Variants in TRABD2B observed in about 807,000 individuals in gnomAD.
TRABD2B encodes TraB domain containing 2B, also known as metalloprotease TIKI2.
A neutral mutation model predicts 40.1 loss-of-function variants in TRABD2B; 14 were observed. The ratio of observed to expected loss-of-function variants is 0.35; its 90% CI spans 0.23 to 0.55. The LOEUF (loss-of-function observed/expected upper bound fraction) is 0.55. Among genes scored for constraint, TRABD2B ranks in the 20% least tolerant of loss-of-function variants. TRABD2B has a pLI of 0.90. For missense variants in TRABD2B, 541 were observed against 648.6 expected (o/e 0.83, Z 1.80); for synonymous variants, 263 against 277.0 (o/e 0.95, Z 0.50).
chr1:47,855,318 C>T (rs992170827), intron 2 of TRABD2B, among the ~76,000 whole-genome samples: 2 of 152,166 alleles, frequency 1.3e-5, no homozygotes, highest in Non-Finnish European at 2.9e-5. Flanking sequence ...CATAAGTTCC[C>T]TTTCCTCTCC....
At position 47,801,328 on chromosome 1, in the gene TRABD2B, T is replaced by G. The variant is rs547289049; in HGVS notation, c.813+145A>C. ...GTTGCCTTGGACAAATCTCTTCTCA[T>G]CTCTGAGCCTCAATTTCCCCACCTA... On this transcript the variant is annotated intron_variant, in intron 3 of 6. Transcript: ENST00000606738. 74 of 891,868 alleles carry G rather than the reference T, an allele frequency of 8.3e-5. 1 individual carries two copies. The South Asian group carries it at 1.2e-3, about 14-fold the overall frequency. 55.2% of individuals were successfully genotyped at this position (891,868 alleles called of 1,614,324 possible).
intron 2 of TRABD2B, among the ~76,000 whole-genome samples, chr1:47,923,901 C>T (rs543916441): frequency 1.0e-5 from 1 of 96,114 alleles, no homozygotes; most frequent in East Asian, 3.0e-4. Flanking sequence ...TCACTCTCTA[C>T]ACACATACAC....
At chr1:47,903,285 A>G (rs142599117) in intron 2 of TRABD2B, among the ~76,000 whole-genome samples, 17 of 152,192 alleles carry the variant, frequency 1.1e-4, no homozygotes, top group Admixed American at 2.6e-4. Context: ...ACCCTACGTC[A>G]GGGGGCTTCT....
chr1:47,794,920 C>T (rs547163536), intron 3 of TRABD2B, among the ~76,000 whole-genome samples, 160 bp from the exon 4 acceptor site: 41 of 151,940 alleles, frequency 2.7e-4, no homozygotes, highest in South Asian at 1.5e-3. Context: ...AGGTATGAAC[C>T]ACCATGACTA....
intron 2 of TRABD2B, among the ~76,000 whole-genome samples, chr1:47,826,647 C>T (rs1053186675): frequency 6.6e-6 from 1 of 152,096 alleles, no homozygotes; most frequent in South Asian, 2.1e-4. Flanking sequence ...GATCATAACT[C>T]ACTGCAGCCT....
chr1:47,905,747 C>T, intron 2 of TRABD2B, among the ~76,000 whole-genome samples: 1 of 152,102 alleles, frequency 6.6e-6, no homozygotes, highest in Non-Finnish European at 1.5e-5. Flanking sequence ...TGTCCCCAGC[C>T]CTCAATCTCT....
chr1:47,823,014 T>TA (rs1156896584), intron 2 of TRABD2B, among the ~76,000 whole-genome samples: 2 of 152,230 alleles, frequency 1.3e-5, no homozygotes, highest in African/African-American at 4.8e-5. Context: ...TTCTCCACCC[T>TA]AAGTGAAGAG....
chr1:47,927,179 G>C (rs1644981574), intron 2 of TRABD2B, among the ~76,000 whole-genome samples: 2 of 152,208 alleles, frequency 1.3e-5, no homozygotes, highest in African/African-American at 4.8e-5. Flanking sequence ...TGAGGACAGA[G>C]GCTAAGCTGG....
At chr1:47,854,932 A>T (rs568993726) in intron 2 of TRABD2B, among the ~76,000 whole-genome samples, 1 of 152,290 alleles carries the variant, frequency 6.6e-6, no homozygotes, top group Non-Finnish European at 1.5e-5. Context: ...TAGCTGTGTG[A>T]TGTAGGGCAA....
intron 2 of TRABD2B, among the ~76,000 whole-genome samples, chr1:47,822,637 A>G (rs891387735): frequency 6.6e-6 from 1 of 152,192 alleles, no homozygotes; most frequent in Non-Finnish European, 1.5e-5. Flanking sequence ...CATACATACT[A>G]TGCTTTTCAT....
chr1:47,775,548 C>T lies in TRABD2B; in HGVS notation c.1080-109G>A, dbSNP rs1644434162. 3 of 1,136,404 alleles carry T rather than the reference C, an allele frequency of 2.6e-6. No homozygotes were observed. In the South Asian group the frequency reaches 1.3e-4, roughly 51 times the overall value. The allele number at this position is 1,136,404 out of a possible 1,614,324, so 70.4% of individuals were successfully genotyped here. A position where few individuals can be genotyped will look rare whatever the true frequency, so the allele number is the denominator to read the frequency against. ...AGTTTGTCATGGCAGGAGAAAGTGC[C>T]AGGGTGCCCCTGCTGGGCCCGGTGA... On this transcript the variant is annotated intron_variant, in intron 5 of 6. Coordinates refer to ENST00000606738, the MANE Select transcript of TRABD2B (RefSeq NM_001194986.2).
intron 2 of TRABD2B, among the ~76,000 whole-genome samples, chr1:47,877,597 A>T (rs900348594): frequency 1.3e-5 from 2 of 152,206 alleles, no homozygotes; most frequent in South Asian, 4.1e-4. Context: ...TAGCAGTTGC[A>T]CATCTCAGAA....
chr1:47,930,092 G>A (rs1645019896), intron 2 of TRABD2B, among the ~76,000 whole-genome samples: 1 of 152,178 alleles, frequency 6.6e-6, no homozygotes, highest in African/African-American at 2.4e-5. Context: ...GAGGTGCCCA[G>A]TTCTGGAGTG....
At chr1:47,821,410 G>T (rs1352516358) in intron 2 of TRABD2B, among the ~76,000 whole-genome samples, 1 of 152,232 alleles carries the variant, frequency 6.6e-6, no homozygotes. Context: ...TTGAGGAATG[G>T]TAGGGGCCCA....
At chr1:47,801,739 G>A in intron 2 of TRABD2B, 120 bp from the exon 3 acceptor site, 1 of 1,264,478 alleles carries the variant, frequency 7.9e-7, no homozygotes, top group Non-Finnish European at 1.1e-6. Flanking sequence ...AAGGTGTGTG[G>A]GGCTGGCACC....
intron 2 of TRABD2B, among the ~76,000 whole-genome samples, chr1:47,988,008 G>A (rs759451257): frequency 6.6e-6 from 1 of 152,146 alleles, no homozygotes; most frequent in Non-Finnish European, 1.5e-5. Context: ...GGTCCTCCAG[G>A]GGTGTCTGGG....
At chr1:47,877,199 A>T (rs766132119) in intron 2 of TRABD2B, among the ~76,000 whole-genome samples, 7 of 150,120 alleles carry the variant, frequency 4.7e-5, no homozygotes, top group African/African-American at 1.2e-4. Context: ...ATATTTTGGC[A>T]ATGGGGCTGG....
intron 2 of TRABD2B, among the ~76,000 whole-genome samples, chr1:47,867,589 G>A (rs973331685): frequency 4.6e-5 from 7 of 152,188 alleles, no homozygotes; most frequent in African/African-American, 1.4e-4. Flanking sequence ...CATCAGAAGT[G>A]TAAAATTGTG....
intron 2 of TRABD2B, among the ~76,000 whole-genome samples, chr1:47,962,198 C>T (rs1422612576): frequency 6.7e-6 from 1 of 148,710 alleles, no homozygotes; most frequent in Non-Finnish European, 1.5e-5. Flanking sequence ...GAACATCACA[C>T]GCCGGGGCCT....
Sources: allele counts gnomAD v4.1 joint callset (sites outside exome capture counted in the v4.1 genomes callset), GRCh38; gene constraint gnomAD v4.1.1; transcripts MANE v1.5; gene names NCBI Gene and HGNC (gene_info 2026-07-23, HGNC 2026-07-21).